CYB5R4: variants seen among roughly 807,000 people sequenced by gnomAD.
The protein encoded by CYB5R4 is N-terminal cytochrome b5 and cytochrome b5 oxidoreductase domain-containing protein.
In CYB5R4, 55 loss-of-function variants were observed where a neutral mutation model predicts 70.2. The ratio of observed to expected loss-of-function variants is 0.78; its 90% CI spans 0.63 to 0.98. CYB5R4 has a LOEUF of 0.98. CYB5R4 is among the 50% of genes least tolerant of loss of function. The pLI is 0.00. For missense variants in CYB5R4, 562 were observed against 612.6 expected, an observed-to-expected ratio of 0.92 and a Z score of 0.87; for synonymous variants, 197 against 199.5, an observed-to-expected ratio of 0.99 and a Z score of 0.11.
chr6:83,886,465 C>T (rs529251486), intron 2 of CYB5R4, among the ~76,000 whole-genome samples: 1 of 152,178 alleles, frequency 6.6e-6, no homozygotes, highest in Non-Finnish European at 1.5e-5. Flanking sequence ...AGAAAAAATA[C>T]TGATACATGC....
At chr6:83,917,840 T>C (rs2099465759) in intron 5 of CYB5R4, among the ~76,000 whole-genome samples, 165 bp from the exon 6 acceptor site, 1 of 152,138 alleles carries the variant, frequency 6.6e-6, no homozygotes, top group Admixed American at 6.5e-5. Context: ...ATGTTTCACT[T>C]TATCACGGCC....
chr6:83,943,369 G>A (rs989995542), intron 14 of CYB5R4, among the ~76,000 whole-genome samples: 2 of 152,022 alleles, frequency 1.3e-5, no homozygotes, highest in African/African-American at 2.4e-5. Flanking sequence ...GCAGCAGAGG[G>A]GCCTGACTGT....
At chr6:83,875,420 A>G (rs1225740871) in intron 2 of CYB5R4, among the ~76,000 whole-genome samples, 1 of 152,144 alleles carries the variant, frequency 6.6e-6, no homozygotes, top group African/African-American at 2.4e-5. Flanking sequence ...ACATTATGGT[A>G]GTGTTACAGG....
At chr6:83,928,499 A>C (rs192195575) in intron 10 of CYB5R4, among the ~76,000 whole-genome samples, 2 of 152,046 alleles carry the variant, frequency 1.3e-5, no homozygotes, top group African/African-American at 4.8e-5. Context: ...CATGGCTTTC[A>C]GAAAAAAAAA....
chr6:83,901,775 C>G (rs772967583), intron 3 of CYB5R4, among the ~76,000 whole-genome samples: 5 of 151,258 alleles, frequency 3.3e-5, no homozygotes, highest in Non-Finnish European at 7.4e-5. Context: ...ATTTGCATGT[C>G]CCTGATGATC....
chr6:83,869,377 G>A lies in CYB5R4; in HGVS notation c.229+5049G>A, dbSNP rs991641596. Among the ~76,000 whole-genome samples, 7 of 152,212 alleles carry A rather than the reference G, an allele frequency of 4.6e-5. No homozygotes were observed. In the East Asian group the frequency reaches 5.8e-4, roughly 13 times the overall value. On this transcript the variant is annotated intron_variant, in intron 2 of 15. Coordinates refer to ENST00000369681, the MANE Select transcript of CYB5R4 (RefSeq NM_016230.4). ...CAAGTTTACCTACTTGCTAAACTGC[G>A]TTCATAACCTCAAACTCAGTACTCA...
At chr6:83,932,713 A>G (rs1157029441) in intron 10 of CYB5R4, among the ~76,000 whole-genome samples, 1 of 152,082 alleles carries the variant, frequency 6.6e-6, no homozygotes. Flanking sequence ...CCCCAAATCT[A>G]CTTCTATCCA....
At chr6:83,886,378 C>T (rs917776063) in intron 2 of CYB5R4, among the ~76,000 whole-genome samples, 2 of 152,110 alleles carry the variant, frequency 1.3e-5, no homozygotes, top group African/African-American at 4.8e-5. Context: ...CAAAGTGGAA[C>T]CAGCTCAAAT....
chr6:83,909,205 G>A, intron 4 of CYB5R4, 115 bp downstream of exon 4: 3 of 734,788 alleles, frequency 4.1e-6, no homozygotes, highest in Non-Finnish European at 6.6e-6. Flanking sequence ...AATTTTCATT[G>A]GCCTCCTGGT....
intron 11 of CYB5R4, among the ~76,000 whole-genome samples, chr6:83,935,578 A>C (rs2099468793): frequency 6.6e-6 from 1 of 152,186 alleles, no homozygotes; most frequent in Non-Finnish European, 1.5e-5. Context: ...TCTTTCAAAC[A>C]TGCAATGATT....
chr6:83,887,056 A>G (rs1235772237), intron 2 of CYB5R4, among the ~76,000 whole-genome samples: 1 of 152,208 alleles, frequency 6.6e-6, no homozygotes, highest in Non-Finnish European at 1.5e-5. Flanking sequence ...TTGAAAACAA[A>G]TAAATATAAA....
Position 83,965,338 on chromosome 6 carries a change from G to C in CYB5R4, c.*5460G>C, listed in dbSNP as rs2099473892. On this transcript the variant is annotated 3_prime_UTR_variant, in exon 16 of 16. Transcript: ENST00000369681. ...CCAAGACCATGGGAAGCCACCTCTT[G>C]CATCAGCGTGACCTGGATGTGAGAC... The C allele has an allele frequency of 6.6e-6, 1 of 152,230 alleles. No individual in the cohort carries two copies. Among genetic ancestry groups the C allele is most frequent in the Non-Finnish European group, 1.5e-5 (1 of 68,070 alleles). 9.4% of individuals were successfully genotyped at this position (152,230 alleles called of 1,614,324 possible).
intron 14 of CYB5R4, among the ~76,000 whole-genome samples, chr6:83,952,566 AGAGTT>A (rs1187075810): frequency 1.3e-5 from 2 of 152,156 alleles, no homozygotes; most frequent in Non-Finnish European, 2.9e-5. Flanking sequence ...ATGACAGAGT[AGAGTT>A]GTTTTGTTGA....
intron 2 of CYB5R4, among the ~76,000 whole-genome samples, chr6:83,870,971 C>CTTTTTTTTTTT (rs759131653): frequency 1.8e-4 from 16 of 88,614 alleles, no homozygotes; most frequent in African/African-American, 5.9e-4. Context: ...TCATTGTTTG[C>CTTTTTTTTTTT]TTTTTTTTTT....
intron 14 of CYB5R4, among the ~76,000 whole-genome samples, chr6:83,952,996 G>A (rs1394421500): frequency 5.9e-5 from 9 of 152,110 alleles, no homozygotes; most frequent in Non-Finnish European, 1.5e-5. Flanking sequence ...CTCTTATGCT[G>A]ACAGATATGC....
chr6:83,957,809 T>A (rs985232412), intron 15 of CYB5R4, among the ~76,000 whole-genome samples: 14 of 152,244 alleles, frequency 9.2e-5, no homozygotes, highest in Admixed American at 2.6e-4. Context: ...TAGAGTTGCA[T>A]TCTGAGATGT....
intron 2 of CYB5R4, among the ~76,000 whole-genome samples, chr6:83,885,676 T>C (rs906217040): frequency 3.9e-5 from 6 of 152,170 alleles, no homozygotes; most frequent in Non-Finnish European, 8.8e-5. Context: ...TGTAATCCAG[T>C]TCTGAATTCG....
Position 83,940,512 on chromosome 6 carries a change from A to C in CYB5R4, c.1260-3A>C, listed in dbSNP as rs780740643. Reference sequence around the variant, plus strand: ...ATTTCTGAGTTTTTTTTTTTCTCTTAAGGAAAGTGAAGCTGATGTTCTTCA... The same window carrying C: ...ATTTCTGAGTTTTTTTTTTTCTCTTCAGGAAAGTGAAGCTGATGTTCTTCA... On this transcript the variant is annotated splice_polypyrimidine_tract_variant and splice_region_variant and intron_variant, in intron 13 of 15. Coordinates refer to ENST00000369681, the MANE Select transcript of CYB5R4 (RefSeq NM_016230.4). 1.3e-6 allele frequency: 2 copies of C among 1,567,478 alleles called. No homozygotes were observed. The highest frequency in any genetic ancestry group is 1.2e-5 in the South Asian group (1 of 84,052).
chr6:83,957,920 A>T (rs1055933826), intron 15 of CYB5R4, among the ~76,000 whole-genome samples: 1 of 152,046 alleles, frequency 6.6e-6, no homozygotes, highest in Admixed American at 6.6e-5. Context: ...ATCTTAATGG[A>T]TGTGGTGTAT....
Sources: allele counts gnomAD v4.1 joint callset (sites outside exome capture counted in the v4.1 genomes callset), GRCh38; gene constraint gnomAD v4.1.1; transcripts MANE v1.5; gene names NCBI Gene and HGNC (gene_info 2026-07-23, HGNC 2026-07-21).